Variants in ZNF627 observed in about 807,000 individuals in gnomAD.
ZNF627 encodes the protein zinc finger protein 627.
A neutral mutation model predicts 10.6 loss-of-function variants in ZNF627; 12 were observed. That is an observed-to-expected ratio of 1.13 (90% CI 0.73 to 1.84). ZNF627 has a LOEUF of 1.84. ZNF627 is among the 40% of genes most tolerant of loss of function. The probability of loss-of-function intolerance (pLI) is 0.00; values close to 1 mark genes in which losing one functional copy is unlikely to be tolerated. For synonymous variants in ZNF627, 176 were observed against 187.1 expected, an observed-to-expected ratio of 0.94 and a Z score of 0.48; for missense variants, 504 against 568.4, an observed-to-expected ratio of 0.89 and a Z score of 1.15.
In ZNF627 at chr19:11,617,207, C is replaced by G. The variant is rs201326092; in HGVS notation, c.704C>G (p.Ser235Cys). Residue 235 changes from serine to cysteine, a missense_variant, in exon 4 of 4, where the codon TCC becomes TGC. By Grantham distance (112) the Ser-to-Cys change is moderately radical (BLOSUM62 -1). Transcript: ENST00000361113. ...CAATGTGGGAAAGCCTTCAGTTGTT[C>G]CAGTTACATTAGAATACATGAAAGG... The part of the protein sequence containing the change: ...CKQCGKAFSC[S>C]SYIRIHERTH... 5.5e-4 allele frequency: 889 copies of G among 1,613,294 alleles called. No homozygotes were observed. Among genetic ancestry groups the G allele is most frequent in the Non-Finnish European group, 6.6e-4 (781 of 1,179,776 alleles).
chr19:11,613,530 A>C (rs1352099631), intron 1 of ZNF627, among the ~76,000 whole-genome samples: 2 of 151,734 alleles, frequency 1.3e-5, no homozygotes, highest in African/African-American at 4.8e-5. Flanking sequence ...ATTAAAAAAA[A>C]TATTTAGTAG....
At chr19:11,605,672 A>G (rs752729075) in intron 1 of ZNF627, among the ~76,000 whole-genome samples, 1 of 152,126 alleles carries the variant, frequency 6.6e-6, no homozygotes, top group Non-Finnish European at 1.5e-5. Flanking sequence ...GCTCTCTCCC[A>G]TGACATTCAG....
intron 1 of ZNF627, among the ~76,000 whole-genome samples, chr19:11,600,966 A>G (rs9973204): frequency 0.42 from 63,435 of 152,078 alleles, 13,530 homozygotes; most frequent in Non-Finnish European, 0.47. Flanking sequence ...GAGTGATTTT[A>G]CTGGAATCTT....
Position 11,617,299 on chromosome 19 carries a change from AT to A in ZNF627, c.798del (p.Arg267GlufsTer50). 6.2e-7 allele frequency: 1 copy of A among 1,613,458 alleles called. No individual in the cohort carries two copies. The highest frequency in any genetic ancestry group is 8.5e-7 in the Non-Finnish European group (1 of 1,179,876). ...CGKAFSCSKY[I>X]RIHERTHTGE... ...GAAAGCTTTCAGTTGTTCCAAGTAC[AT>A]TCGAATCCATGAACGAACTCACACA... On this transcript the variant is annotated frameshift_variant, in exon 4 of 4. Transcript: ENST00000361113. LOFTEE classifies it low-confidence loss of function (END_TRUNC).
At chr19:11,601,542 G>T (rs1014813497) in intron 1 of ZNF627, among the ~76,000 whole-genome samples, 1 of 152,016 alleles carries the variant, frequency 6.6e-6, no homozygotes, top group Non-Finnish European at 1.5e-5. Flanking sequence ...GAGACAGGAC[G>T]TTGTTATGTT....
rs759820669 is a variant in ZNF627 at position 11,614,916 on chromosome 19, G to A, written c.191+29G>A. The A allele has an allele frequency of 3.4e-5, 50 of 1,484,042 alleles. 1 individual carries two copies. The Middle Eastern group carries it at 6.2e-3, about 183-fold the overall frequency. 91.9% of individuals were successfully genotyped at this position (1,484,042 alleles called of 1,614,324 possible). A position where few individuals can be genotyped will look rare whatever the true frequency, so the allele number is the denominator to read the frequency against. The stretch of plus-strand genomic sequence containing the variant: ...ATTTGCACTCACAAAAGAAAGTTCT[G>A]TTCCTTGAGAGCATTTCGTATTGTT... On this transcript the variant is annotated intron_variant, in intron 3 of 3. Coordinates refer to ENST00000361113, the MANE Select transcript of ZNF627 (RefSeq NM_145295.4).
At chr19:11,602,585 C>T (rs1973607068) in intron 1 of ZNF627, among the ~76,000 whole-genome samples, 1 of 152,110 alleles carries the variant, frequency 6.6e-6, no homozygotes, top group Admixed American at 6.6e-5. Flanking sequence ...TGGGTGATCC[C>T]TGGGGCTTGT....
chr19:11,617,637 T>C lies in ZNF627; in HGVS notation c.1134T>C (p.Phe378=). The stretch of plus-strand genomic sequence containing the variant: ...AAGCCTTCAGTTGTTCCAGTTCGTT[T>C]CGAAAACATGAAAGAATTCACACTG... ...CGKAFSCSSS[F]RKHERIHTGE... Residue 378 remains phenylalanine, a synonymous_variant, in exon 4 of 4, where the codon TTT becomes TTC. Coordinates refer to ENST00000361113, the MANE Select transcript of ZNF627 (RefSeq NM_145295.4). 6.2e-7 allele frequency: 1 copy of C among 1,613,654 alleles called. No individual in the cohort carries two copies. The highest frequency in any genetic ancestry group is 8.5e-7 in the Non-Finnish European group (1 of 1,179,886).
chr19:11,613,905 C>G (rs1973820945), intron 1 of ZNF627, among the ~76,000 whole-genome samples: 1 of 146,990 alleles, frequency 6.8e-6, no homozygotes, highest in Non-Finnish European at 1.5e-5. Flanking sequence ...TTTCTGCACT[C>G]TAGTTACTAG....
chr19:11,615,879 G>C (rs1383500441), intron 3 of ZNF627, among the ~76,000 whole-genome samples: 2 of 150,060 alleles, frequency 1.3e-5, no homozygotes, highest in African/African-American at 4.9e-5. Context: ...CACCACACCT[G>C]GCTAATTTTT....
chr19:11,602,109 G>A (rs552204838), intron 1 of ZNF627, among the ~76,000 whole-genome samples: 3 of 152,056 alleles, frequency 2.0e-5, no homozygotes, highest in African/African-American at 4.8e-5. Flanking sequence ...GAAGGTGGGA[G>A]GTGGAAGGCA....
At chr19:11,607,767 C>A (rs936650826) in intron 1 of ZNF627, among the ~76,000 whole-genome samples, 2 of 152,156 alleles carry the variant, frequency 1.3e-5, no homozygotes, top group Admixed American at 6.6e-5. Flanking sequence ...GACTTTCCCA[C>A]ATCTTCCTGT....
In ZNF627 at chr19:11,614,895, G is replaced by A; in HGVS notation, c.191+8G>A. ...TCCCAGGAGAAATATAAGGTAATTT[G>A]CACTCACAAAAGAAAGTTCTGTTCC... On this transcript the variant is annotated splice_region_variant and intron_variant, in intron 3 of 3. Transcript: ENST00000361113. 1 of 1,593,416 alleles carries A rather than the reference G, an allele frequency of 6.3e-7. No homozygotes were observed. The highest frequency in any genetic ancestry group is 8.5e-7 in the Non-Finnish European group (1 of 1,170,896).
In ZNF627 at chr19:11,617,991, G is replaced by GAGAA. The variant is rs368256682; in HGVS notation, c.*106_*109dup. 184 of 980,110 alleles carry GAGAA rather than the reference G, an allele frequency of 1.9e-4. 1 individual carries two copies. In the African/African-American group the frequency reaches 2.8e-3, roughly 15 times the overall value. The allele number at this position is 980,110 out of a possible 1,614,324, so 60.7% of individuals were successfully genotyped here. A position where few individuals can be genotyped will look rare whatever the true frequency, so the allele number is the denominator to read the frequency against. ...CAACTACGTGAAAGGATTCACAGTG[G>GAGAA]AGAAAGACCCTGTAAGATAATTGGC... On this transcript the variant is annotated 3_prime_UTR_variant, in exon 4 of 4. Transcript: ENST00000361113.
chr19:11,597,825 C>T (rs140964513), intron 1 of ZNF627, among the ~76,000 whole-genome samples, 195 bp downstream of exon 1: 1 of 152,326 alleles, frequency 6.6e-6, no homozygotes, highest in Non-Finnish European at 1.5e-5. Context: ...GCGACGCCTG[C>T]GGCCCCGCAG....
Position 11,617,248 on chromosome 19 carries a change from A to G in ZNF627, c.745A>G (p.Lys249Glu), listed in dbSNP as rs1176482378. The change falls in exon 4 of 4, where the codon AAA becomes GAA. Residue 249 changes from lysine to glutamate, a missense_variant. Transcript: ENST00000361113. ...ACATGAAAGGACTCACACTGGAGAT[A>G]AACCCTATGAATGCAAGCAGTGTGG... ...RIHERTHTGD[K>E]PYECKQCGKA... 29 of 1,613,712 alleles carry G rather than the reference A, an allele frequency of 1.8e-5. No individual in the cohort carries two copies. Among genetic ancestry groups the G allele is most frequent in the Non-Finnish European group, 2.4e-5 (28 of 1,179,976 alleles).
At chr19:11,615,801 T>C (rs1281773186) in intron 3 of ZNF627, among the ~76,000 whole-genome samples, 1 of 136,648 alleles carries the variant, frequency 7.3e-6, no homozygotes, top group Non-Finnish European at 1.5e-5. Context: ...CACTGCAACC[T>C]CCGCCTCCTG....
intron 1 of ZNF627, among the ~76,000 whole-genome samples, chr19:11,607,731 A>G (rs1973699292): frequency 6.6e-6 from 1 of 152,182 alleles, no homozygotes; most frequent in Non-Finnish European, 1.5e-5. Context: ...GGTCAGAGCT[A>G]TCCAAGGAGT....
At chr19:11,598,901 G>A (rs1432539428) in intron 1 of ZNF627, among the ~76,000 whole-genome samples, 2 of 152,034 alleles carry the variant, frequency 1.3e-5, no homozygotes, top group African/African-American at 4.8e-5. Flanking sequence ...CTTTTGGTTG[G>A]CCTGGTGCCA....
Sources: gnomAD v4.1 joint callset for allele counts (sites outside exome capture counted in the v4.1 genomes callset) on GRCh38, gnomAD v4.1.1 for gene constraint, MANE v1.5 for transcripts, NCBI Gene and HGNC (gene_info 2026-07-23, HGNC 2026-07-21) for gene names.